The following INPP5A variants were observed in gnomAD, a reference collection of about 807,000 sequenced individuals.
INPP5A encodes the protein inositol polyphosphate-5-phosphatase A, also known as 43 kDa inositol polyphosphate 5-phophatase.
INPP5A carries 14 observed loss-of-function variants against 65.2 expected under a neutral mutation model. The ratio of observed to expected loss-of-function variants is 0.21; its 90% confidence interval spans 0.14 to 0.34. The LOEUF (loss-of-function observed/expected upper bound fraction) is 0.34, where lower values mean the gene tolerates loss of function less well. Among genes scored for constraint, INPP5A ranks in the 10% least tolerant of loss-of-function variants. INPP5A has a pLI of 1.00. For missense variants in INPP5A, 431 were observed against 545.6 expected, an observed-to-expected ratio of 0.79 and a Z score of 2.09; for synonymous variants, 207 against 208.3, an observed-to-expected ratio of 0.99 and a Z score of 0.05.
At chr10:132,639,632 G>T (rs2133383490) in intron 2 of INPP5A, among the ~76,000 whole-genome samples, 1 of 152,248 alleles carries the variant, frequency 6.6e-6, no homozygotes, top group South Asian at 2.1e-4. Context: ...ACTAAATTTG[G>T]GGACATTTTG....
In INPP5A at chr10:132,697,540, A is replaced by G. The variant is rs1451256299; in HGVS notation, c.371-276A>G. Among the ~76,000 whole-genome samples the G allele has an allele frequency of 1.3e-5, 2 of 152,238 alleles. No homozygotes were observed. Among genetic ancestry groups the G allele is most frequent in the Admixed American group, 6.5e-5 (1 of 15,288 alleles). On this transcript the variant is annotated intron_variant, in intron 5 of 15. Coordinates refer to ENST00000368594, the MANE Select transcript of INPP5A (RefSeq NM_005539.5). The surrounding 1 kb of genome is among the most constrained non-coding windows in gnomAD (Gnocchi z 5.6). ...TTCACGGGTTTAAAAGAGGATGCCA[A>G]TTAGCTCCTGTAAATCTGCAGTCTG...
At chr10:132,764,780 C>T (rs1420816699) in intron 11 of INPP5A, among the ~76,000 whole-genome samples, 5 of 130,004 alleles carry the variant, frequency 3.8e-5, no homozygotes, top group African/African-American at 6.1e-5. Flanking sequence ...TGCGTGGTGA[C>T]ACTCAGAAAC....
At chr10:132,654,203 G>A (rs903903161) in intron 4 of INPP5A, among the ~76,000 whole-genome samples, 4 of 152,368 alleles carry the variant, frequency 2.6e-5, no homozygotes, top group East Asian at 3.9e-4. Context: ...AGGAGCTCCC[G>A]TGCCTCTGCT....
chr10:132,708,356 T>G lies in INPP5A; in HGVS notation c.518T>G (p.Ile173Ser). Residue 173 changes from isoleucine to serine, a missense_variant, in exon 7 of 16, where the codon ATT becomes AGT. Coordinates refer to ENST00000368594, the MANE Select transcript of INPP5A (RefSeq NM_005539.5). ...RKGFIRTRWCIADCAFDLVNI... is the reference protein window; with the variant it reads ...RKGFIRTRWCSADCAFDLVNI... ...GGCTTCATCCGGACGAGGTGGTGCA[T>G]TGCAGACTGGTACGTGGTGTCTGTG... 6.2e-7 allele frequency: 1 copy of G among 1,614,086 alleles called. No homozygotes were observed. Among genetic ancestry groups the G allele is most frequent in the Non-Finnish European group, 8.5e-7 (1 of 1,179,912 alleles).
chr10:132,640,628 A>C (rs1198489873), intron 2 of INPP5A, among the ~76,000 whole-genome samples: 2 of 152,200 alleles, frequency 1.3e-5, no homozygotes, highest in Non-Finnish European at 2.9e-5. Flanking sequence ...CCTCGGGCAC[A>C]TGTTTTGTTT....
intron 13 of INPP5A, 56 bp from the exon 14 acceptor site, chr10:132,780,793 A>G: frequency 8.4e-6 from 12 of 1,434,294 alleles, no homozygotes; most frequent in African/African-American, 1.4e-5. Flanking sequence ...TCAGCTCCCA[A>G]CTGGACCCAG....
At chr10:132,746,133 C>G (rs978599075) in intron 9 of INPP5A, among the ~76,000 whole-genome samples, 1 of 152,228 alleles carries the variant, frequency 6.6e-6, no homozygotes, top group African/African-American at 2.4e-5. Context: ...CCAGGCAGGG[C>G]GCTCTGGACA....
chr10:132,779,450 A>G (rs914946063), intron 13 of INPP5A, among the ~76,000 whole-genome samples: 1 of 152,272 alleles, frequency 6.6e-6, no homozygotes, highest in African/African-American at 2.4e-5. Flanking sequence ...GCAGCGCCCA[A>G]GGGCAGAAGG....
At chr10:132,566,565 G>A (rs2071277335) in intron 1 of INPP5A, among the ~76,000 whole-genome samples, 1 of 152,206 alleles carries the variant, frequency 6.6e-6, no homozygotes, top group Non-Finnish European at 1.5e-5. Flanking sequence ...AAAAGGTTGA[G>A]GGATGTAATT....
rs1240079697 is a variant in INPP5A, at chr10:132,575,988, A to T, written c.76-31927A>T. 5.9e-5 allele frequency among the ~76,000 whole-genome samples: 9 copies of T among 152,160 alleles called. No homozygotes were observed. The highest frequency in any genetic ancestry group is 2.2e-4 in the African/African-American group (9 of 41,510). On this transcript the variant is annotated intron_variant, in intron 1 of 15. Coordinates refer to ENST00000368594, the MANE Select transcript of INPP5A (RefSeq NM_005539.5). This position sits in a 1 kb window ranked among gnomAD's most constrained non-coding sequence, Gnocchi z 5.4. ...ACTTTCTGGGGAAATGATTTCACCC[A>T]CTGCCCCCTGCCCACATCCCTCCAC... is the stretch of plus-strand genomic sequence containing the variant.
At chr10:132,778,390 G>T (rs1264684691) in intron 13 of INPP5A, among the ~76,000 whole-genome samples, 1 of 139,454 alleles carries the variant, frequency 7.2e-6, no homozygotes, top group Non-Finnish European at 1.5e-5. Flanking sequence ...TCAAATTCCT[G>T]GGCTCCAGCA....
rs931392451 is a variant in INPP5A at position 132,551,382 on chromosome 10, C to A, written c.75+13211C>A. The stretch of plus-strand genomic sequence containing the variant: ...AGGGGACAGGCCAGCCCACCGTCAT[C>A]TGCCTGCAGCGTCCCTCCAGGTGGT... On this transcript the variant is annotated intron_variant, in intron 1 of 15. Coordinates refer to ENST00000368594, the MANE Select transcript of INPP5A (RefSeq NM_005539.5). The surrounding 1 kb of genome is among the most constrained non-coding windows in gnomAD (Gnocchi z 5.3). Among the ~76,000 whole-genome samples the A allele has an allele frequency of 6.6e-6, 1 of 152,182 alleles. No homozygotes were observed. Among genetic ancestry groups the A allele is most frequent in the Non-Finnish European group, 1.5e-5 (1 of 68,032 alleles).
chr10:132,702,630 G>T (rs1845454759), intron 6 of INPP5A, among the ~76,000 whole-genome samples: 2 of 152,222 alleles, frequency 1.3e-5, no homozygotes, highest in Non-Finnish European at 1.5e-5. Flanking sequence ...CGTGCAGGGA[G>T]GTGCTGTGTC....
chr10:132,684,241 C>T (rs2073087773), intron 4 of INPP5A, among the ~76,000 whole-genome samples: 1 of 152,110 alleles, frequency 6.6e-6, no homozygotes, highest in African/African-American at 2.4e-5. Flanking sequence ...CCCATTTGCA[C>T]GTTAAGCATT....
intron 11 of INPP5A, among the ~76,000 whole-genome samples, chr10:132,755,381 C>T (rs1264717697): frequency 2.9e-5 from 4 of 139,018 alleles, no homozygotes; most frequent in Admixed American, 7.4e-5. Context: ...TGGGAGTGTG[C>T]GTGAGAGCAG....
At chr10:132,618,620 C>G (rs547790686) in intron 2 of INPP5A, among the ~76,000 whole-genome samples, 2 of 152,244 alleles carry the variant, frequency 1.3e-5, no homozygotes, top group East Asian at 3.9e-4. Context: ...AAGAAATACC[C>G]GAGACTGGGT....
Position 132,697,864 on chromosome 10 carries a change from T to C in INPP5A, c.419T>C (p.Leu140Ser). The change falls in exon 6 of 16, where the codon TTA becomes TCA. Residue 140 changes from leucine (L) to serine (S), a missense_variant. Leu to Ser is a moderately radical substitution (Grantham distance 145). Coordinates refer to ENST00000368594, the MANE Select transcript of INPP5A (RefSeq NM_005539.5). The surrounding 1 kb of genome is among the most constrained non-coding windows in gnomAD (Gnocchi z 5.6). ...VAGKEIYSDTLESTPMLEKEK... is the reference protein window; with the variant it reads ...VAGKEIYSDTSESTPMLEKEK... ...GGCAAAGAGATCTACTCGGATACCTTAGAGAGCACGCCCATGCTGGAGAAG... is the reference window on the plus strand; with the variant it reads ...GGCAAAGAGATCTACTCGGATACCTCAGAGAGCACGCCCATGCTGGAGAAG... 1 of 1,614,034 alleles carries C rather than the reference T, an allele frequency of 6.2e-7. No individual in the cohort carries two copies. The highest frequency in any genetic ancestry group is 8.5e-7 in the Non-Finnish European group (1 of 1,179,938).
intron 6 of INPP5A, among the ~76,000 whole-genome samples, chr10:132,702,116 A>T (rs917970187): frequency 6.6e-6 from 1 of 152,244 alleles, no homozygotes; most frequent in Admixed American, 6.5e-5. Context: ...CTCGAAACAT[A>T]GTCTTAGTGC....
At position 132,579,880 on chromosome 10, in the gene INPP5A, A is replaced by G. The variant is rs1377603808; in HGVS notation, c.76-28035A>G. Among the ~76,000 whole-genome samples the G allele has an allele frequency of 5.3e-5, 8 of 151,114 alleles. No homozygotes were observed. In the East Asian group the frequency reaches 1.6e-3, roughly 29 times the overall value. Reference sequence around the variant, plus strand: ...TGGTTCTTGGTGCTCCCCTTTTGCAAACCTGAAGCTCAGCCACCATGCCTT... The same window carrying G: ...TGGTTCTTGGTGCTCCCCTTTTGCAGACCTGAAGCTCAGCCACCATGCCTT... On this transcript the variant is annotated intron_variant, in intron 1 of 15. Coordinates refer to ENST00000368594, the MANE Select transcript of INPP5A (RefSeq NM_005539.5).
Sources: gnomAD v4.1 joint callset for allele counts (sites outside exome capture counted in the v4.1 genomes callset) on GRCh38, gnomAD v4.1.1 for gene constraint, Gnocchi (gnomAD v3.1) non-coding constraint, MANE v1.5 for transcripts, NCBI Gene and HGNC (gene_info 2026-07-23, HGNC 2026-07-21) for gene names.